Variants in KIF26B observed in about 807,000 individuals in gnomAD.
The protein encoded by KIF26B is kinesin-like protein KIF26B.
KIF26B carries 63 observed loss-of-function variants against 151.2 expected under a neutral mutation model. The observed-to-expected ratio is 0.42, with a 90% CI of 0.34 to 0.51. The LOEUF (loss-of-function observed/expected upper bound fraction) is 0.51, where lower values mean the gene tolerates loss of function less well. Among genes scored for constraint, KIF26B ranks in the 20% least tolerant of loss-of-function variants. The pLI is 0.07. For synonymous variants in KIF26B, 1,357 were observed against 1,262.1 expected (o/e 1.08, Z -1.59); for missense variants, 2,813 against 2,913.6 (o/e 0.97, Z 0.79).
intron 2 of KIF26B, among the ~76,000 whole-genome samples, chr1:245,249,291 G>A (rs1174946757): frequency 1.3e-5 from 2 of 151,830 alleles, no homozygotes; most frequent in Non-Finnish European, 2.9e-5. Flanking sequence ...AGAAGAGACA[G>A]GGTTTCACTG....
rs148244454 is a variant in KIF26B at position 245,602,349 on chromosome 1, T to C, written c.1351-228T>C. Among the ~76,000 whole-genome samples, 158 of 152,320 alleles carry C rather than the reference T, an allele frequency of 1.0e-3. No homozygotes were observed. Among genetic ancestry groups the C allele is most frequent in the African/African-American group, 3.0e-3 (123 of 41,572 alleles). ...AAGAACATGATGTGCCAGCTCCATA[T>C]TGAAGTAATGGGCATATCAAAATAT... On this transcript the variant is annotated intron_variant, in intron 5 of 14. Transcript: ENST00000407071. This position sits in a 1 kb window ranked among gnomAD's most constrained non-coding sequence, Gnocchi z 4.5.
intron 4 of KIF26B, among the ~76,000 whole-genome samples, chr1:245,445,488 G>A (rs903880655): frequency 2.0e-5 from 3 of 152,234 alleles, no homozygotes; most frequent in Admixed American, 6.5e-5. Flanking sequence ...GCGTGTGTAT[G>A]TGTGTGTATG....
chr1:245,573,274 A>G (rs1327570712), intron 5 of KIF26B, among the ~76,000 whole-genome samples: 3 of 152,228 alleles, frequency 2.0e-5, no homozygotes, highest in African/African-American at 7.2e-5. Context: ...CTGTAATCCC[A>G]GCACTTTTGG....
At chr1:245,299,492 A>G (rs1445205617) in intron 2 of KIF26B, among the ~76,000 whole-genome samples, 2 of 152,162 alleles carry the variant, frequency 1.3e-5, no homozygotes, top group African/African-American at 4.8e-5. Context: ...TGTAAGAAAA[A>G]CATTATTAGG....
At chr1:245,222,249 C>T (rs1199616242) in intron 2 of KIF26B, among the ~76,000 whole-genome samples, 1 of 152,120 alleles carries the variant, frequency 6.6e-6, no homozygotes, top group East Asian at 1.9e-4. Context: ...CCAGCCTGGC[C>T]AACATGGTAA....
rs115029882 is a variant in KIF26B, at chr1:245,638,166, T to A, written c.2099-7955T>A. Reference sequence around the variant, plus strand: ...TTTTCCATTTATGTGCTCTTCAATATCTTTCATTGGTGTTTTATAATTTTT... The same window carrying A: ...TTTTCCATTTATGTGCTCTTCAATAACTTTCATTGGTGTTTTATAATTTTT... On this transcript the variant is annotated intron_variant, in intron 9 of 14. Transcript: ENST00000407071. 4.6e-3 allele frequency among the ~76,000 whole-genome samples: 703 copies of A among 152,028 alleles called. 6 individuals are homozygous for A. Among genetic ancestry groups the A allele is most frequent in the African/African-American group, 0.016 (677 of 41,548 alleles).
intron 4 of KIF26B, among the ~76,000 whole-genome samples, chr1:245,443,919 G>A (rs1261158850): frequency 2.3e-5 from 3 of 132,850 alleles, no homozygotes; most frequent in South Asian, 2.8e-4. Context: ...TTCACCCTGC[G>A]GTCATCTCCC....
rs1396492257 is a variant in KIF26B at position 245,419,630 on chromosome 1, C to T, written c.1051C>T (p.Leu351=). Residue 351 remains leucine (L), a synonymous_variant, in exon 4 of 15, where the codon CTG becomes TTG. Coordinates refer to ENST00000407071, the MANE Select transcript of KIF26B (RefSeq NM_018012.4). The part of the protein sequence containing the change: ...SSREGLTEAV[L]NRYNADKPSA... Reference sequence around the variant, plus strand: ...CCGGGAGGGACTAACAGAAGCAGTGCTGAACCGCTACAATGCAGACAAGCC... The same window carrying T: ...CCGGGAGGGACTAACAGAAGCAGTGTTGAACCGCTACAATGCAGACAAGCC... 1 of 1,613,940 alleles carries T rather than the reference C, an allele frequency of 6.2e-7. No individual in the cohort carries two copies. Among genetic ancestry groups the T allele is most frequent in the Non-Finnish European group, 8.5e-7 (1 of 1,179,832 alleles).
At chr1:245,205,463 A>G (rs1669382946) in intron 2 of KIF26B, among the ~76,000 whole-genome samples, 1 of 149,790 alleles carries the variant, frequency 6.7e-6, no homozygotes, top group Admixed American at 6.6e-5. Context: ...TGAAGTGTAC[A>G]ATAATAATAA....
At chr1:245,603,127 C>G (rs2043414791) in intron 6 of KIF26B, among the ~76,000 whole-genome samples, 1 of 146,054 alleles carries the variant, frequency 6.8e-6, no homozygotes, top group African/African-American at 2.5e-5. Flanking sequence ...CTACTCCTGC[C>G]TGGGCATTGT....
intron 12 of KIF26B, among the ~76,000 whole-genome samples, chr1:245,696,732 G>A (rs528602606): frequency 2.0e-5 from 3 of 152,316 alleles, no homozygotes; most frequent in African/African-American, 7.2e-5. Flanking sequence ...ATGTTACTTA[G>A]TTTCGTTAGT....
intron 9 of KIF26B, chr1:245,615,056 C>G (rs2043573697): frequency 6.6e-6 from 1 of 152,192 alleles, no homozygotes; most frequent in African/African-American, 2.4e-5. Context: ...CCACATTTCT[C>G]CTGACTGTGT....
At chr1:245,499,839 G>A (rs1161446838) in intron 4 of KIF26B, among the ~76,000 whole-genome samples, 1 of 152,174 alleles carries the variant, frequency 6.6e-6, no homozygotes, top group East Asian at 1.9e-4. Context: ...TCTGATGGCT[G>A]GTAAAGTGCT....
rs1231218060 is a variant in KIF26B, at chr1:245,612,093, TGTGTGTGTGTGTGAGA to T, written c.2098+119_2098+134del. 9.5e-3 allele frequency: 6,860 copies of T among 723,340 alleles called. 41 individuals carry two copies. The highest frequency in any genetic ancestry group is 0.049 in the Admixed American group (1,505 of 30,862). The allele number at this position is 723,340 out of a possible 1,614,324, so 44.8% of individuals were successfully genotyped here. A position where few individuals can be genotyped will look rare whatever the true frequency, so the allele number is the denominator to read the frequency against. ...GTGTGTGTGTGTGTGTGTGTGTGTG[TGTGTGTGTGTGTGAGA>T]GAGAGAGAGAGAGAGAGAGAGACAG... On this transcript the variant is annotated intron_variant, in intron 9 of 14. Coordinates refer to ENST00000407071, the MANE Select transcript of KIF26B (RefSeq NM_018012.4).
intron 5 of KIF26B, among the ~76,000 whole-genome samples, chr1:245,551,289 C>T (rs537704711): frequency 2.8e-4 from 43 of 152,284 alleles, no homozygotes; most frequent in Non-Finnish European, 5.3e-4. Flanking sequence ...GCGATCCACC[C>T]GCCTTGACCT....
intron 3 of KIF26B, among the ~76,000 whole-genome samples, chr1:245,386,580 A>G (rs1216737453): frequency 6.6e-6 from 1 of 152,084 alleles, no homozygotes. Flanking sequence ...CCCCTCACTC[A>G]CACCCTGGTT....
intron 5 of KIF26B, among the ~76,000 whole-genome samples, chr1:245,559,303 C>T (rs1662111426): frequency 6.6e-6 from 1 of 152,212 alleles, no homozygotes; most frequent in African/African-American, 2.4e-5. Context: ...TGTACCACTG[C>T]ACTCCAGCTT....
At chr1:245,529,191 C>T (rs1331142890) in intron 4 of KIF26B, among the ~76,000 whole-genome samples, 1 of 152,066 alleles carries the variant, frequency 6.6e-6, no homozygotes, top group Non-Finnish European at 1.5e-5. Context: ...GTCGTCTGGC[C>T]AGAGGTGAGC....
At chr1:245,429,770 C>G (rs1320431599) in intron 4 of KIF26B, among the ~76,000 whole-genome samples, 2 of 152,186 alleles carry the variant, frequency 1.3e-5, no homozygotes, top group African/African-American at 2.4e-5. Context: ...CCTGCCACCA[C>G]ACCTGGCTAA....
Sources: gnomAD v4.1 joint callset for allele counts (sites outside exome capture counted in the v4.1 genomes callset) on GRCh38, gnomAD v4.1.1 for gene constraint, Gnocchi (gnomAD v3.1) non-coding constraint, MANE v1.5 for transcripts, NCBI Gene and HGNC (gene_info 2026-07-23, HGNC 2026-07-21) for gene names.